CDC42SE2: variants seen among roughly 807,000 people sequenced by gnomAD.
CDC42SE2 encodes CDC42 small effector protein 2.
CDC42SE2 carries 3 observed loss-of-function variants against 11.5 expected under a neutral mutation model. The ratio of observed to expected loss-of-function variants is 0.26; its 90% CI spans 0.12 to 0.67. CDC42SE2 has a LOEUF of 0.67. Ranked by LOEUF, CDC42SE2 falls within the 30% of genes least tolerant of loss-of-function variation. The pLI, the probability that CDC42SE2 is intolerant of heterozygous loss-of-function variation, is 0.80. For missense variants in CDC42SE2, 82 were observed against 106.8 expected (o/e 0.77, Z 1.02); for synonymous variants, 33 against 34.8 (o/e 0.95, Z 0.18).
chr5:131,375,431 AATATCT>A (rs1482695095), intron 3 of CDC42SE2, among the ~76,000 whole-genome samples: 3 of 152,106 alleles, frequency 2.0e-5, no homozygotes, highest in African/African-American at 7.2e-5. Context: ...TCCAACACAA[AATATCT>A]TTCCTTTCTG....
At chr5:131,224,114 C>T in the CDC42SE2 span, among the ~76,000 whole-genome samples, 1 of 152,346 alleles carries the variant, frequency 6.6e-6, no homozygotes, top group Non-Finnish European at 1.5e-5. Context: ...TGCCCAGGCT[C>T]TGTCCTGAGC....
At chr5:131,318,201 A>C (rs1472532478) in intron 2 of CDC42SE2, among the ~76,000 whole-genome samples, 1 of 152,124 alleles carries the variant, frequency 6.6e-6, no homozygotes, top group African/African-American at 2.4e-5. Context: ...GGCCTCCCAA[A>C]GTGCGGGAAC....
the CDC42SE2 span, among the ~76,000 whole-genome samples, chr5:131,212,772 A>G: frequency 6.6e-6 from 1 of 152,208 alleles, no homozygotes; most frequent in Non-Finnish European, 1.5e-5. Flanking sequence ...ATAACAAAAG[A>G]TTAGTGGGGT....
intron 3 of CDC42SE2, among the ~76,000 whole-genome samples, chr5:131,371,465 G>A (rs533306519): frequency 6.6e-6 from 1 of 152,258 alleles, no homozygotes; most frequent in African/African-American, 2.4e-5. Flanking sequence ...ATAGTTTCTT[G>A]AAAAGGTGTT....
At chr5:131,353,423 A>G (rs1749412738) in intron 2 of CDC42SE2, among the ~76,000 whole-genome samples, 2 of 151,954 alleles carry the variant, frequency 1.3e-5, no homozygotes, top group South Asian at 4.1e-4. Flanking sequence ...CTGGGATTAC[A>G]GGTGCATGCC....
chr5:131,324,339 A>G (rs1166203394), intron 2 of CDC42SE2, among the ~76,000 whole-genome samples: 1 of 152,054 alleles, frequency 6.6e-6, no homozygotes, highest in Non-Finnish European at 1.5e-5. Context: ...TGTCTTCATT[A>G]TATTTGGTGT....
At chr5:131,355,358 TC>T (rs1164036021) in intron 2 of CDC42SE2, among the ~76,000 whole-genome samples, 26 of 152,158 alleles carry the variant, frequency 1.7e-4, no homozygotes, top group African/African-American at 6.0e-4. Context: ...GTACCTGTAG[TC>T]CCAGCTACTT....
At chr5:131,262,512 A>C (rs1283371383), upstream of CDC42SE2, among the ~76,000 whole-genome samples, 1 of 152,084 alleles carries the variant, frequency 6.6e-6, no homozygotes, top group African/African-American at 2.4e-5. Context: ...ACATCAGTTG[A>C]ACAAAACAGA....
intron 3 of CDC42SE2, among the ~76,000 whole-genome samples, chr5:131,371,583 T>TA (rs1750013395): frequency 1.3e-5 from 2 of 152,246 alleles, no homozygotes. Flanking sequence ...TTTTAGATCT[T>TA]AGAGACATCA....
chr5:131,328,539 A>T lies in CDC42SE2; in HGVS notation c.-286+12395A>T, dbSNP rs183356936. 1.9e-3 allele frequency among the ~76,000 whole-genome samples: 295 copies of T among 152,270 alleles called. 1 individual carries two copies. The highest frequency in any genetic ancestry group is 6.8e-3 in the African/African-American group (281 of 41,538). Reference sequence around the variant, plus strand: ...TACCTGGATATTGTCTGTTTTACATATTCAGTATTTCTACTTGATCCTTTT... The same window carrying T: ...TACCTGGATATTGTCTGTTTTACATTTTCAGTATTTCTACTTGATCCTTTT... On this transcript the variant is annotated intron_variant, in intron 2 of 4. Coordinates refer to ENST00000505065, the MANE Select transcript of CDC42SE2 (RefSeq NM_001375635.1).
intron 2 of CDC42SE2, among the ~76,000 whole-genome samples, chr5:131,258,836 T>C (rs1412469943): frequency 6.6e-6 from 1 of 152,248 alleles, no homozygotes; most frequent in Non-Finnish European, 1.5e-5. Context: ...TATTCAAATG[T>C]TGATGTGTGA....
the CDC42SE2 span, among the ~76,000 whole-genome samples, chr5:131,215,967 A>G: frequency 1.3e-5 from 2 of 152,264 alleles, no homozygotes; most frequent in African/African-American, 4.8e-5. Flanking sequence ...AAGCTGAAGT[A>G]GAAAACTCTC....
At chr5:131,319,447 G>T (rs1758114484) in intron 2 of CDC42SE2, among the ~76,000 whole-genome samples, 1 of 152,062 alleles carries the variant, frequency 6.6e-6, no homozygotes, top group Admixed American at 6.6e-5. Context: ...AATATAGTTA[G>T]GCTGTTGTAC....
At chr5:131,212,799 G>A in the CDC42SE2 span, among the ~76,000 whole-genome samples, 1 of 152,126 alleles carries the variant, frequency 6.6e-6, no homozygotes, top group Non-Finnish European at 1.5e-5. Context: ...AAAAGGACAC[G>A]GAGGTCAGAT....
At chr5:131,307,282 G>A (rs1445093819) in intron 1 of CDC42SE2, among the ~76,000 whole-genome samples, 6 of 135,228 alleles carry the variant, frequency 4.4e-5, no homozygotes, top group South Asian at 2.2e-4. Flanking sequence ...TGATCTCATT[G>A]TTCAGTTCCC....
intron 2 of CDC42SE2, among the ~76,000 whole-genome samples, chr5:131,327,354 C>T (rs1758320354): frequency 6.6e-6 from 1 of 152,122 alleles, no homozygotes. Context: ...TATTTTAGAT[C>T]ACTTTTTATG....
intron 2 of CDC42SE2, among the ~76,000 whole-genome samples, chr5:131,255,819 C>T (rs367558428): frequency 1.2e-4 from 18 of 152,120 alleles, no homozygotes; most frequent in East Asian, 5.8e-4. Flanking sequence ...ATGGAGGCAA[C>T]TTATTGATAG....
At chr5:131,238,984 C>T in the CDC42SE2 span, among the ~76,000 whole-genome samples, 12 of 151,712 alleles carry the variant, frequency 7.9e-5, no homozygotes, top group African/African-American at 2.7e-4. Flanking sequence ...GGTGAAACCC[C>T]GTCTCTACTT....
chr5:131,210,400 A>C, the CDC42SE2 span, among the ~76,000 whole-genome samples: 1 of 152,204 alleles, frequency 6.6e-6, no homozygotes, highest in South Asian at 2.1e-4. Context: ...TTCTTTGTTC[A>C]CCACTGCTTC....
Sources: allele counts gnomAD v4.1 joint callset (sites outside exome capture counted in the v4.1 genomes callset), GRCh38; gene constraint gnomAD v4.1.1; transcripts MANE v1.5; gene names NCBI Gene and HGNC (gene_info 2026-07-23, HGNC 2026-07-21).